Variants in CATSPERE observed in about 807,000 individuals in gnomAD.
CATSPERE encodes the protein cation channel sperm-associated auxiliary subunit epsilon.
Under a neutral mutation model 114.1 loss-of-function variants are expected in CATSPERE, and 93 were observed. The observed-to-expected ratio is 0.81, with a 90% CI of 0.69 to 0.97. CATSPERE has a LOEUF of 0.97. Among genes scored for constraint, CATSPERE ranks in the 50% least tolerant of loss-of-function variants. The pLI is 0.00. For synonymous variants in CATSPERE, 341 were observed against 384.1 expected, an observed-to-expected ratio of 0.89 and a Z score of 1.31; for missense variants, 1,058 against 1,131.6, an observed-to-expected ratio of 0.93 and a Z score of 0.93.
intron 1 of CATSPERE, 63 bp from the exon 2 acceptor site, chr1:244,463,845 A>T: frequency 7.2e-7 from 1 of 1,383,934 alleles, no homozygotes; most frequent in Non-Finnish European, 1.0e-6. Context: ...GACCATGTAG[A>T]GAATCCTCAT....
Position 244,461,401 on chromosome 1 carries a change from G to A in CATSPERE, c.-29G>A, listed in dbSNP as rs1383883717. ...GCGAGGCCTGGACGGGAGTGGCCGA[G>A]GCGGTTGGGCGGAGGCGGAGCAGGC... On this transcript the variant is annotated 5_prime_UTR_variant, in exon 1 of 22. Transcript: ENST00000366534. 3 of 1,349,846 alleles carry A rather than the reference G, an allele frequency of 2.2e-6. No individual in the cohort carries two copies. Among genetic ancestry groups the A allele is most frequent in the South Asian group, 3.9e-5 (2 of 51,004 alleles). 83.6% of individuals were successfully genotyped at this position (1,349,846 alleles called of 1,614,324 possible). A position where few individuals can be genotyped will look rare whatever the true frequency, so the allele number is the denominator to read the frequency against.
In CATSPERE at chr1:244,502,584, G is replaced by A. The variant is rs141262346; in HGVS notation, c.429+3505G>A. On this transcript the variant is annotated intron_variant, in intron 7 of 21. Transcript: ENST00000366534. ...AGTGTTTTAAAGACACTGTTTCACC[G>A]GCTCCTTACTTCCACTGTTGCTGTT... Among the ~76,000 whole-genome samples the A allele has an allele frequency of 2.8e-3, 432 of 152,106 alleles. 7 individuals are homozygous for A. Among genetic ancestry groups the A allele is most frequent in the African/African-American group, 9.9e-3 (409 of 41,488 alleles).
chr1:244,591,679 A>G lies in CATSPERE; in HGVS notation c.2139-2A>G. 6.7e-7 allele frequency: 1 copy of G among 1,484,398 alleles called. No individual in the cohort carries two copies. The highest frequency in any genetic ancestry group is 9.3e-7 in the Non-Finnish European group (1 of 1,075,398). The allele number at this position is 1,484,398 out of a possible 1,614,324, so 92.0% of individuals were successfully genotyped here. On this transcript the variant is annotated splice_acceptor_variant, in intron 14 of 21. Transcript: ENST00000366534. LOFTEE classifies it high-confidence loss of function. ...AACTTCATTATGTTTTGTCTTTTGT[A>G]GATTTAGTAAAAAAGGATGTCATCA... is the stretch of plus-strand genomic sequence containing the variant.
intron 9 of CATSPERE, among the ~76,000 whole-genome samples, chr1:244,557,807 C>A (rs975797126): frequency 6.6e-5 from 10 of 151,572 alleles, no homozygotes; most frequent in Admixed American, 5.3e-4. Context: ...TCCAAAAACA[C>A]CTGTATGAGA....
chr1:244,638,407 T>G (rs1325128313), intron 21 of CATSPERE, among the ~76,000 whole-genome samples: 2 of 152,224 alleles, frequency 1.3e-5, no homozygotes. Flanking sequence ...TCTCTCTCCC[T>G]AGTAAAGAAA....
At chr1:244,578,653 C>CTA (rs987137623) in intron 11 of CATSPERE, among the ~76,000 whole-genome samples, 6 of 149,632 alleles carry the variant, frequency 4.0e-5, no homozygotes, top group African/African-American at 7.4e-5. Flanking sequence ...CAGTCTACAG[C>CTA]TATATATATA....
At chr1:244,496,562 A>G (rs1159382551) in intron 6 of CATSPERE, among the ~76,000 whole-genome samples, 1 of 152,212 alleles carries the variant, frequency 6.6e-6, no homozygotes, top group African/African-American at 2.4e-5. Context: ...GTTTTACTTA[A>G]TAACATGCAT....
intron 2 of CATSPERE, among the ~76,000 whole-genome samples, chr1:244,465,037 C>CTTTTTT (rs1667396284): frequency 6.7e-6 from 1 of 149,342 alleles, no homozygotes; most frequent in Non-Finnish European, 1.5e-5. Flanking sequence ...TTTGGAGGCT[C>CTTTTTT]CTTTTTTTTT....
intron 10 of CATSPERE, among the ~76,000 whole-genome samples, chr1:244,566,841 T>G (rs1663639079): frequency 6.6e-6 from 1 of 151,894 alleles, no homozygotes. Flanking sequence ...ATTTAGCCCA[T>G]TTACATTTAA....
chr1:244,490,522 G>T, intron 6 of CATSPERE, 51 bp downstream of exon 6: 1 of 1,074,278 alleles, frequency 9.3e-7, no homozygotes, highest in Non-Finnish European at 1.4e-6. Context: ...CTAGTATATT[G>T]TTTCTCTCTT....
chr1:244,628,080 A>G (rs1673440364), intron 20 of CATSPERE, among the ~76,000 whole-genome samples: 1 of 152,260 alleles, frequency 6.6e-6, no homozygotes, highest in African/African-American at 2.4e-5. Flanking sequence ...TGTAATGGCC[A>G]CAAAGTGCAA....
At chr1:244,636,679 C>T (rs1051093246) in intron 21 of CATSPERE, 5 of 153,072 alleles carry the variant, frequency 3.3e-5, no homozygotes, top group African/African-American at 4.8e-5. Context: ...TCACCTGCCC[C>T]GCTCTCACCT....
Position 244,639,910 on chromosome 1 carries a change from T to C in CATSPERE, c.2703-18T>C. On this transcript the variant is annotated intron_variant, in intron 21 of 21. Coordinates refer to ENST00000366534, the MANE Select transcript of CATSPERE (RefSeq NM_001130957.2). ...AACAATGACTTCTAATGCCTTTTTT[T>C]TTTTTTTCTGATTTCAGTCCAAGTG... The C allele has an allele frequency of 1.3e-6, 2 of 1,527,876 alleles. No individual in the cohort carries two copies. The allele number at this position is 1,527,876 out of a possible 1,614,324, so 94.6% of individuals were successfully genotyped here.
chr1:244,611,397 C>T (rs1027160908), intron 19 of CATSPERE, among the ~76,000 whole-genome samples: 2 of 151,796 alleles, frequency 1.3e-5, no homozygotes, highest in Admixed American at 1.3e-4. Flanking sequence ...CAAGACCAGC[C>T]TGGGCAACAT....
chr1:244,469,065 C>G (rs1668047995), intron 2 of CATSPERE, among the ~76,000 whole-genome samples: 1 of 152,192 alleles, frequency 6.6e-6, no homozygotes, highest in Admixed American at 6.5e-5. Context: ...AATACCAAGT[C>G]ACTTAAACAT....
chr1:244,638,040 C>T (rs1674853796), intron 21 of CATSPERE, among the ~76,000 whole-genome samples: 1 of 152,200 alleles, frequency 6.6e-6, no homozygotes, highest in Non-Finnish European at 1.5e-5. Context: ...ACTGAGGAAA[C>T]TTTCAAATGA....
At chr1:244,623,771 G>T (rs1028352078) in intron 20 of CATSPERE, among the ~76,000 whole-genome samples, 4 of 152,176 alleles carry the variant, frequency 2.6e-5, no homozygotes, top group Admixed American at 6.5e-5. Flanking sequence ...TATTAAGTGT[G>T]CAACAGCATT....
At chr1:244,459,682 G>A (rs1390932831), upstream of CATSPERE, among the ~76,000 whole-genome samples, 3 of 152,314 alleles carry the variant, frequency 2.0e-5, no homozygotes, top group African/African-American at 7.2e-5. Flanking sequence ...TTATTTGTGG[G>A]TTAGAAGTCC....
At position 244,610,130 on chromosome 1, in the gene CATSPERE, G is replaced by T. The variant is rs1256217085; in HGVS notation, c.2404-110G>T. 3 of 671,836 alleles carry T rather than the reference G, an allele frequency of 4.5e-6. No individual in the cohort carries two copies. In the Admixed American group the frequency reaches 9.0e-5, roughly 20 times the overall value. The allele number at this position is 671,836 out of a possible 1,614,324, so 41.6% of individuals were successfully genotyped here. ...GTATACCAGCCAACATTTAAATAATGTAAGTTTTAAAAATACAAAATTTTC... is the reference window on the plus strand; with the variant it reads ...GTATACCAGCCAACATTTAAATAATTTAAGTTTTAAAAATACAAAATTTTC... On this transcript the variant is annotated intron_variant, in intron 18 of 21. Transcript: ENST00000366534.
Sources: allele counts gnomAD v4.1 joint callset (sites outside exome capture counted in the v4.1 genomes callset), GRCh38; gene constraint gnomAD v4.1.1; transcripts MANE v1.5; gene names NCBI Gene and HGNC (gene_info 2026-07-23, HGNC 2026-07-21).